The following SYT1 variants were observed in gnomAD, a reference collection of about 807,000 sequenced individuals.
The protein encoded by SYT1 is synaptotagmin 1, also known as synaptotagmin-1.
A neutral mutation model predicts 44.8 loss-of-function variants in SYT1; 8 were observed. That is an observed-to-expected ratio of 0.18 (90% CI 0.10 to 0.32). The LOEUF is 0.32. Among genes scored for constraint, SYT1 ranks in the 10% least tolerant of loss-of-function variants. SYT1 has a pLI of 1.00. For missense variants in SYT1, 286 were observed against 509.3 expected, an observed-to-expected ratio of 0.56 and a Z score of 4.22; for synonymous variants, 154 against 188.8, an observed-to-expected ratio of 0.82 and a Z score of 1.51.
intron 3 of SYT1, among the ~76,000 whole-genome samples, chr12:79,145,479 A>G (rs546859372): frequency 1.3e-5 from 2 of 152,226 alleles, no homozygotes; most frequent in African/African-American, 2.4e-5. Context: ...TTTACATGCA[A>G]TAATTAGTAA....
chr12:79,037,081 G>A (rs1395064632), intron 2 of SYT1, among the ~76,000 whole-genome samples: 1 of 151,900 alleles, frequency 6.6e-6, no homozygotes, highest in Admixed American at 6.6e-5. Context: ...TATTCTAGGG[G>A]CTGGAGACCA....
chr12:78,926,937 A>G (rs79155462), intron 1 of SYT1, among the ~76,000 whole-genome samples: 12,793 of 152,170 alleles, frequency 0.084, 617 homozygotes, highest in East Asian at 0.18. Context: ...ATTCTGTAAC[A>G]TAAGTATCTT....
chr12:79,097,875 C>A (rs550265499), intron 3 of SYT1, among the ~76,000 whole-genome samples: 1 of 151,982 alleles, frequency 6.6e-6, no homozygotes, highest in African/African-American at 2.4e-5. Flanking sequence ...TTAGTTTCTT[C>A]GCCTTCTTTA....
At chr12:79,294,098 GT>G (rs1370732916) in intron 6 of SYT1, among the ~76,000 whole-genome samples, 1 of 151,932 alleles carries the variant, frequency 6.6e-6, no homozygotes, top group South Asian at 2.1e-4. Flanking sequence ...ATATTTTCCA[GT>G]GGAAATCTAG....
At chr12:79,220,164 G>A (rs571555450) in intron 4 of SYT1, among the ~76,000 whole-genome samples, 69 of 152,072 alleles carry the variant, frequency 4.5e-4, no homozygotes, top group Middle Eastern at 3.4e-3. Flanking sequence ...TATGTATCAA[G>A]GAACGTATCC....
chr12:79,440,213 A>G (rs922728264), intron 9 of SYT1, among the ~76,000 whole-genome samples: 5 of 152,176 alleles, frequency 3.3e-5, no homozygotes, highest in African/African-American at 1.2e-4. Context: ...GCGAGACTCC[A>G]TCTCAAAAAA....
At chr12:79,238,733 CAT>C (rs1876334483) in intron 4 of SYT1, among the ~76,000 whole-genome samples, 1 of 152,204 alleles carries the variant, frequency 6.6e-6, no homozygotes, top group Non-Finnish European at 1.5e-5. Context: ...CCCTTGATGT[CAT>C]TACTAATCCC....
intron 8 of SYT1, among the ~76,000 whole-genome samples, chr12:79,349,035 A>AAAGAAAG (rs1565919879): frequency 2.3e-4 from 26 of 113,286 alleles, no homozygotes; most frequent in African/African-American, 7.9e-4. Flanking sequence ...AAGAAAGAAA[A>AAAGAAAG]AGAAAGAAAG....
intron 2 of SYT1, among the ~76,000 whole-genome samples, chr12:79,035,050 C>A (rs1249039521): frequency 6.6e-6 from 1 of 151,552 alleles, no homozygotes; most frequent in Non-Finnish European, 1.5e-5. Context: ...AGCTTGGCAC[C>A]TTCCCACCAT....
rs562088358 is a variant in SYT1 at position 79,353,088 on chromosome 12, A to ATTG, written c.811-414_811-413insTTG. Among the ~76,000 whole-genome samples the ATTG allele has an allele frequency of 1.5e-4, 23 of 152,352 alleles. 1 individual carries two copies. The East Asian group carries it at 4.2e-3, about 28-fold the overall frequency. On this transcript the variant is annotated intron_variant, in intron 8 of 10. Coordinates refer to ENST00000261205, the MANE Select transcript of SYT1 (RefSeq NM_005639.3). ...GTAATCCTATTTGAAATGTAAAAGG[A>ATTG]CAAAAATTTAGGTCGATTGATTCAA...
intron 1 of SYT1, among the ~76,000 whole-genome samples, chr12:78,882,760 A>G (rs1453094321): frequency 6.6e-6 from 1 of 151,794 alleles, no homozygotes; most frequent in Non-Finnish European, 1.5e-5. Context: ...AGTTGACAGA[A>G]ATCTGAAGTG....
intron 6 of SYT1, among the ~76,000 whole-genome samples, chr12:79,293,825 C>G (rs1879753525): frequency 1.3e-5 from 2 of 152,148 alleles, no homozygotes; most frequent in South Asian, 4.1e-4. Context: ...ATAATACATT[C>G]TAGAAAACTA....
At chr12:79,005,942 T>A (rs1871047496) in intron 2 of SYT1, among the ~76,000 whole-genome samples, 2 of 152,120 alleles carry the variant, frequency 1.3e-5, no homozygotes, top group Admixed American at 1.3e-4. Flanking sequence ...AGTATTGCCA[T>A]TTGGATAGGC....
At chr12:79,445,579 C>T (rs1870661252) in intron 10 of SYT1, among the ~76,000 whole-genome samples, 1 of 151,336 alleles carries the variant, frequency 6.6e-6, no homozygotes, top group Non-Finnish European at 1.5e-5. Flanking sequence ...GCTTATTTCA[C>T]TTAACATAAT....
At chr12:79,170,138 G>A (rs1871431261) in intron 3 of SYT1, among the ~76,000 whole-genome samples, 1 of 152,020 alleles carries the variant, frequency 6.6e-6, no homozygotes, top group South Asian at 2.1e-4. Flanking sequence ...TTGCTATTGT[G>A]AATAGGGCTG....
chr12:79,092,302 A>G (rs1877830417), intron 3 of SYT1, among the ~76,000 whole-genome samples: 1 of 151,846 alleles, frequency 6.6e-6, no homozygotes, highest in African/African-American at 2.4e-5. Context: ...CCTTGGTAAT[A>G]TGGCCAATGT....
chr12:79,375,023 A>G (rs1883935781), intron 9 of SYT1, among the ~76,000 whole-genome samples: 1 of 152,238 alleles, frequency 6.6e-6, no homozygotes, highest in South Asian at 2.1e-4. Flanking sequence ...GAGTAGACAT[A>G]GCTGTGTTCT....
intron 8 of SYT1, among the ~76,000 whole-genome samples, chr12:79,317,489 G>A (rs76829548): frequency 2.1e-3 from 324 of 152,286 alleles, no homozygotes; most frequent in African/African-American, 6.5e-3. Context: ...TCACTGGGGC[G>A]CCTTGCTCCT....
At position 79,217,574 on chromosome 12, in the gene SYT1, G is replaced by A. The variant is rs144005237; in HGVS notation, c.55G>A (p.Ala19Thr). ...GGCAGCCCCGCCTGTCACCACTGTC[G>A]CGACTGTTCTGCCAAGCAACGCCAC... ...ALAAPPVTTV[A>T]TVLPSNATEP... The change falls in exon 4 of 11, where the codon GCG becomes ACG. Residue 19 changes from alanine (A) to threonine (T), a missense_variant. Ala to Thr is a moderately conservative substitution (Grantham distance 58). Coordinates refer to ENST00000261205, the MANE Select transcript of SYT1 (RefSeq NM_005639.3). The A allele has an allele frequency of 9.3e-6, 15 of 1,612,318 alleles. No homozygotes were observed. The highest frequency in any genetic ancestry group is 2.7e-5 in the African/African-American group (2 of 74,772).
Sources: gnomAD v4.1 joint callset for allele counts (sites outside exome capture counted in the v4.1 genomes callset) on GRCh38, gnomAD v4.1.1 for gene constraint, MANE v1.5 for transcripts, NCBI Gene and HGNC (gene_info 2026-07-23, HGNC 2026-07-21) for gene names.